Variants in AFG2A observed in about 807,000 individuals in gnomAD.
AFG2A encodes ATPase family gene 2 protein homolog A.
chr4:122,989,778 T>C, the AFG2A span, among the ~76,000 whole-genome samples: 1 of 152,298 alleles, frequency 6.6e-6, no homozygotes, highest in East Asian at 1.9e-4. Flanking sequence ...CTCTCCACAT[T>C]GTGCTGCCAG....
chr4:123,061,819 A>G, the AFG2A span, among the ~76,000 whole-genome samples: 1 of 152,230 alleles, frequency 6.6e-6, no homozygotes, highest in African/African-American at 2.4e-5. Context: ...GGTTTACCTA[A>G]CTACAAGAGA....
At chr4:123,197,809 T>A in the AFG2A span, among the ~76,000 whole-genome samples, 2 of 151,546 alleles carry the variant, frequency 1.3e-5, no homozygotes, top group Non-Finnish European at 2.9e-5. Context: ...ATACATACTT[T>A]ACCTTCATGG....
At chr4:123,115,241 G>T in the AFG2A span, among the ~76,000 whole-genome samples, 53 of 152,118 alleles carry the variant, frequency 3.5e-4, 1 homozygote, top group Admixed American at 3.3e-3. Flanking sequence ...AGACCCTGCC[G>T]GGGGGCACCT....
At chr4:123,096,474 C>T in the AFG2A span, among the ~76,000 whole-genome samples, 2 of 151,944 alleles carry the variant, frequency 1.3e-5, no homozygotes, top group African/African-American at 4.8e-5. Context: ...TTAGAAGTGT[C>T]CAGTCCATGA....
chr4:123,002,116 A>G, the AFG2A span, among the ~76,000 whole-genome samples: 1 of 152,158 alleles, frequency 6.6e-6, no homozygotes, highest in African/African-American at 2.4e-5. Context: ...ATCAGAGACT[A>G]GGATTGCAAG....
the AFG2A span, chr4:123,255,906 G>T: frequency 8.1e-7 from 1 of 1,241,706 alleles, no homozygotes. Flanking sequence ...TACCAATTAC[G>T]AATAATAGTG....
chr4:123,288,449 A>G, the AFG2A span, among the ~76,000 whole-genome samples: 2 of 152,196 alleles, frequency 1.3e-5, no homozygotes, highest in African/African-American at 4.8e-5. Context: ...GAGTATGTAC[A>G]TACAAGTAGA....
chr4:123,299,991 G>A, the AFG2A span, among the ~76,000 whole-genome samples: 1 of 152,104 alleles, frequency 6.6e-6, no homozygotes, highest in African/African-American at 2.4e-5. Flanking sequence ...TTGCATATCT[G>A]TGGCCTGCTA....
chr4:123,120,978 G>A, the AFG2A span, among the ~76,000 whole-genome samples: 1 of 152,070 alleles, frequency 6.6e-6, no homozygotes, highest in Admixed American at 6.6e-5. Context: ...CGAGATGACA[G>A]CTTCATGCAT....
chr4:123,193,030 A>G, the AFG2A span, among the ~76,000 whole-genome samples: 1 of 152,226 alleles, frequency 6.6e-6, no homozygotes. Flanking sequence ...TTGCTCGATC[A>G]TCAAGTGGCT....
At chr4:122,955,068 A>G in the AFG2A span, among the ~76,000 whole-genome samples, 1 of 152,108 alleles carries the variant, frequency 6.6e-6, no homozygotes, top group Non-Finnish European at 1.5e-5. Context: ...TAACTTCTGT[A>G]AGGATGGCAC....
chr4:123,064,712 T>A, the AFG2A span, among the ~76,000 whole-genome samples: 1 of 152,198 alleles, frequency 6.6e-6, no homozygotes, highest in Non-Finnish European at 1.5e-5. Flanking sequence ...CCAGGACATT[T>A]CATAGGATCC....
At chr4:123,148,291 A>G in the AFG2A span, among the ~76,000 whole-genome samples, 1 of 152,162 alleles carries the variant, frequency 6.6e-6, no homozygotes, top group Admixed American at 6.5e-5. Context: ...GTGCATAATG[A>G]TTGAGACCAG....
chr4:123,083,714 A>C, the AFG2A span, among the ~76,000 whole-genome samples: 1 of 151,688 alleles, frequency 6.6e-6, no homozygotes, highest in Non-Finnish European at 1.5e-5. Flanking sequence ...GTTAGATTTG[A>C]TTTGGTAAGA....
At chr4:122,982,608 C>T in the AFG2A span, among the ~76,000 whole-genome samples, 3 of 152,172 alleles carry the variant, frequency 2.0e-5, no homozygotes, top group South Asian at 2.1e-4. Context: ...CATAACTTCT[C>T]GGGTCTTGGA....
chr4:122,975,423 C>T, the AFG2A span, among the ~76,000 whole-genome samples: 1 of 152,090 alleles, frequency 6.6e-6, no homozygotes, highest in Non-Finnish European at 1.5e-5. Context: ...ACATTCATAC[C>T]ATAGCAAACA....
the AFG2A span, chr4:122,933,301 ATTAT>A: frequency 3.0e-6 from 2 of 667,812 alleles, no homozygotes; most frequent in Non-Finnish European, 5.0e-6. Flanking sequence ...AATTGTATAC[ATTAT>A]TTATTTTAAG....
chr4:123,199,515 A>G, the AFG2A span, among the ~76,000 whole-genome samples: 1 of 111,842 alleles, frequency 8.9e-6, no homozygotes, highest in African/African-American at 3.5e-5. Flanking sequence ...TCTGTCGCCC[A>G]GGCTGGAGTG....
chr4:123,196,660 G>A, the AFG2A span, among the ~76,000 whole-genome samples: 2 of 152,126 alleles, frequency 1.3e-5, no homozygotes, highest in African/African-American at 4.8e-5. Flanking sequence ...TTGATCAGAT[G>A]CAACTAGGTA....
Sources: gnomAD v4.1 joint callset for allele counts (sites outside exome capture counted in the v4.1 genomes callset) on GRCh38, gnomAD v4.1.1 for gene constraint, MANE v1.5 for transcripts, NCBI Gene and HGNC (gene_info 2026-07-23, HGNC 2026-07-21) for gene names.